The following SEMA3E variants were observed in gnomAD, a reference collection of about 807,000 sequenced individuals.
SEMA3E encodes the protein semaphorin 3E, also known as semaphorin-3E.
A neutral mutation model predicts 93.6 loss-of-function variants in SEMA3E; 49 were observed. That is an observed-to-expected ratio of 0.52 (90% CI 0.42 to 0.66). The LOEUF is 0.66. Ranked by LOEUF, SEMA3E falls within the 30% of genes least tolerant of loss-of-function variation. SEMA3E has a pLI of 0.00. For missense variants in SEMA3E, 906 were observed against 964.8 expected (o/e 0.94, Z 0.81); for synonymous variants, 363 against 330.7 (o/e 1.10, Z -1.06).
Position 83,469,253 on chromosome 7 carries a change from C to T in SEMA3E, c.326G>A (p.Gly109Glu). The T allele has an allele frequency of 6.2e-7, 1 of 1,609,718 alleles. No individual in the cohort carries two copies. The highest frequency in any genetic ancestry group is 8.5e-7 in the Non-Finnish European group (1 of 1,176,592). The change falls in exon 3 of 17, where the codon GGA becomes GAA. Residue 109 changes from glycine to glutamate, a missense_variant. By Grantham distance (98) the Gly-to-Glu change is moderately conservative (BLOSUM62 -2). Transcript: ENST00000643230. ...ALKMEECIMK[G>E]KDAGECANYV... is the part of the protein sequence containing the mutation. ...ATGAATCATACTTACCGCATCTTTT[C>T]CCTTCATTATGCATTCTTCCATTTT...
chr7:83,573,275 TTTA>T (rs1489129332), intron 1 of SEMA3E, among the ~76,000 whole-genome samples: 39 of 152,092 alleles, frequency 2.6e-4, no homozygotes, highest in African/African-American at 8.0e-4. Context: ...TCATTTTTAT[TTTA>T]TTATTTTATT....
At chr7:83,487,634 C>G (rs1790289940) in intron 2 of SEMA3E, among the ~76,000 whole-genome samples, 1 of 149,314 alleles carries the variant, frequency 6.7e-6, no homozygotes, top group Admixed American at 6.8e-5. Context: ...GGAAAGAGAT[C>G]AACCAAGAAG....
intron 1 of SEMA3E, among the ~76,000 whole-genome samples, chr7:83,515,311 A>C (rs935636972): frequency 5.3e-5 from 8 of 150,178 alleles, no homozygotes; most frequent in Admixed American, 3.3e-4. Flanking sequence ...AAAAAAAAAG[A>C]AATGTCCTAG....
At chr7:83,610,773 G>C (rs926499129) in intron 1 of SEMA3E, among the ~76,000 whole-genome samples, 10 of 152,004 alleles carry the variant, frequency 6.6e-5, no homozygotes, top group Admixed American at 4.6e-4. Context: ...CAGGGAGAAG[G>C]TCATCCACAA....
chr7:83,436,745 T>C (rs1320723133), intron 4 of SEMA3E, among the ~76,000 whole-genome samples: 1 of 152,208 alleles, frequency 6.6e-6, no homozygotes, highest in Admixed American at 6.5e-5. Flanking sequence ...TTTCTTTTTG[T>C]TGTTATTCTA....
chr7:83,453,942 ATTT>A (rs1789419605), intron 4 of SEMA3E, among the ~76,000 whole-genome samples: 3 of 21,752 alleles, frequency 1.4e-4, no homozygotes, highest in South Asian at 5.6e-3. Flanking sequence ...TATCTTTAAT[ATTT>A]TTATTTTTAC....
At chr7:83,586,159 A>C (rs1792622648) in intron 1 of SEMA3E, among the ~76,000 whole-genome samples, 1 of 152,178 alleles carries the variant, frequency 6.6e-6, no homozygotes, top group Admixed American at 6.5e-5. Context: ...TTTAAGAGAC[A>C]CACTGAGAGA....
intron 4 of SEMA3E, among the ~76,000 whole-genome samples, chr7:83,462,465 C>T (rs1789648271): frequency 6.6e-6 from 1 of 152,104 alleles, no homozygotes; most frequent in Non-Finnish European, 1.5e-5. Flanking sequence ...CTGACTATTC[C>T]TGGGCTACAG....
intron 1 of SEMA3E, among the ~76,000 whole-genome samples, chr7:83,579,683 C>A (rs1226503244): frequency 2.0e-5 from 3 of 152,038 alleles, no homozygotes; most frequent in African/African-American, 7.2e-5. Flanking sequence ...TGAATGAAAA[C>A]TCTAGAAACA....
chr7:83,422,590 A>T (rs1418117267), intron 4 of SEMA3E, among the ~76,000 whole-genome samples: 1 of 152,174 alleles, frequency 6.6e-6, no homozygotes, highest in Non-Finnish European at 1.5e-5. Context: ...TACATATTAT[A>T]TTTGTTTTAC....
At chr7:83,533,499 G>GT (rs1366974116) in intron 1 of SEMA3E, among the ~76,000 whole-genome samples, 2 of 152,068 alleles carry the variant, frequency 1.3e-5, no homozygotes, top group African/African-American at 4.8e-5. Flanking sequence ...AGCCAAGATT[G>GT]TGCCATTGCA....
intron 1 of SEMA3E, among the ~76,000 whole-genome samples, chr7:83,526,216 G>T (rs932997817): frequency 6.6e-6 from 1 of 151,990 alleles, no homozygotes; most frequent in African/African-American, 2.4e-5. Context: ...CACCATGGAG[G>T]TCGGAAAATC....
intron 1 of SEMA3E, among the ~76,000 whole-genome samples, chr7:83,505,809 A>G (rs1689714195): frequency 6.6e-6 from 1 of 151,884 alleles, no homozygotes. Context: ...AGGTCAGGAG[A>G]TCGAGAACAT....
intron 4 of SEMA3E, among the ~76,000 whole-genome samples, chr7:83,461,459 A>G (rs1789615293): frequency 1.3e-5 from 2 of 152,180 alleles, no homozygotes; most frequent in African/African-American, 4.8e-5. Flanking sequence ...AGTTTCGTTC[A>G]GTGACTATCC....
At chr7:83,456,339 G>T (rs1789476443) in intron 4 of SEMA3E, among the ~76,000 whole-genome samples, 1 of 152,006 alleles carries the variant, frequency 6.6e-6, no homozygotes, top group South Asian at 2.1e-4. Context: ...GTTTATATTT[G>T]TATCACTTGT....
chr7:83,551,573 G>A (rs896990714), intron 1 of SEMA3E, among the ~76,000 whole-genome samples: 1 of 152,122 alleles, frequency 6.6e-6, no homozygotes, highest in East Asian at 1.9e-4. Context: ...AACAGTGAAG[G>A]TTTTAGATCT....
chr7:83,368,826 G>A (rs1290273047), intron 16 of SEMA3E, among the ~76,000 whole-genome samples: 1 of 152,172 alleles, frequency 6.6e-6, no homozygotes, highest in Non-Finnish European at 1.5e-5. Context: ...AATAGCTCAT[G>A]TTTTATCACA....
chr7:83,544,885 T>C (rs1791613031), intron 1 of SEMA3E, among the ~76,000 whole-genome samples: 1 of 152,068 alleles, frequency 6.6e-6, no homozygotes, highest in Non-Finnish European at 1.5e-5. Context: ...GATTTAATGG[T>C]TTCCTTGACT....
chr7:83,518,728 C>T (rs1790984825), intron 1 of SEMA3E, among the ~76,000 whole-genome samples: 1 of 152,078 alleles, frequency 6.6e-6, no homozygotes, highest in East Asian at 1.9e-4. Context: ...TGCATTCCTT[C>T]TTTTGCTTGG....
Sources: gnomAD v4.1 joint callset for allele counts (sites outside exome capture counted in the v4.1 genomes callset) on GRCh38, gnomAD v4.1.1 for gene constraint, MANE v1.5 for transcripts, NCBI Gene and HGNC (gene_info 2026-07-23, HGNC 2026-07-21) for gene names.